Variants in YTHDF3 observed in about 807,000 individuals in gnomAD.
The protein encoded by YTHDF3 is YTH domain-containing family protein 3.
Under a neutral mutation model 52.5 loss-of-function variants are expected in YTHDF3, and 9 were observed. The observed-to-expected ratio is 0.17, with a 90% CI of 0.10 to 0.30. The LOEUF (loss-of-function observed/expected upper bound fraction) is 0.30, where lower values mean the gene tolerates loss of function less well. YTHDF3 is among the 10% of genes least tolerant of loss of function. The pLI is 1.00. For synonymous variants in YTHDF3, 274 were observed against 243.3 expected (o/e 1.13, Z -1.18); for missense variants, 534 against 715.0 (o/e 0.75, Z 2.89).
intron 3 of YTHDF3, among the ~76,000 whole-genome samples, chr8:63,177,350 C>CATA (rs1807764777): frequency 6.6e-6 from 1 of 152,064 alleles, no homozygotes; most frequent in Non-Finnish European, 1.5e-5. Context: ...ACATTCCTAG[C>CATA]ATACATGGGA....
chr8:63,184,814 G>A (rs1404267896), intron 3 of YTHDF3, among the ~76,000 whole-genome samples: 1 of 152,094 alleles, frequency 6.6e-6, no homozygotes, highest in Non-Finnish European at 1.5e-5. Context: ...TTTTCACTTT[G>A]CATAATTCTA....
intron 4 of YTHDF3, among the ~76,000 whole-genome samples, chr8:63,205,361 T>C (rs1190351146): frequency 6.6e-6 from 1 of 152,208 alleles, no homozygotes; most frequent in Admixed American, 6.5e-5. Context: ...ATGTTAACTA[T>C]ACAGTACCTC....
At chr8:63,187,853 A>G (rs2150375292) in intron 4 of YTHDF3, 108 bp downstream of exon 4, 1 of 1,221,154 alleles carries the variant, frequency 8.2e-7, no homozygotes, top group South Asian at 1.6e-5. Context: ...CAACTACTTA[A>G]GAAACAACTC....
intron 4 of YTHDF3, among the ~76,000 whole-genome samples, chr8:63,203,350 A>G (rs963390414): frequency 2.0e-5 from 3 of 152,172 alleles, no homozygotes; most frequent in Admixed American, 2.0e-4. Flanking sequence ...CAGGACAACC[A>G]TTAAAATAGT....
At chr8:63,192,969 G>T (rs1809007221) in intron 4 of YTHDF3, among the ~76,000 whole-genome samples, 1 of 152,088 alleles carries the variant, frequency 6.6e-6, no homozygotes, top group South Asian at 2.1e-4. Flanking sequence ...GAAACCTTGG[G>T]TAAAGGTTGG....
intron 2 of YTHDF3, among the ~76,000 whole-genome samples, chr8:63,173,240 T>C (rs1344633517): frequency 1.8e-5 from 2 of 110,116 alleles, no homozygotes; most frequent in East Asian, 6.8e-4. Flanking sequence ...TAAGTACTTT[T>C]TCCTTTTTTT....
Position 63,176,123 on chromosome 8 carries a change from C to T in YTHDF3, c.135+707C>T, listed in dbSNP as rs116645666. On this transcript the variant is annotated intron_variant, in intron 3 of 4. Transcript: ENST00000539294. ...TTTCTGCATCCATTTCTGTCTGTTACTAAAAATAAGCCACTGATAGAAATA... is the reference window on the plus strand; with the variant it reads ...TTTCTGCATCCATTTCTGTCTGTTATTAAAAATAAGCCACTGATAGAAATA... Among the ~76,000 whole-genome samples the T allele has an allele frequency of 4.6e-3, 705 of 152,014 alleles. 3 individuals are homozygous for T. The highest frequency in any genetic ancestry group is 0.017 in the African/African-American group (686 of 41,426).
chr8:63,181,340 GT>G (rs2130044957), intron 3 of YTHDF3, among the ~76,000 whole-genome samples: 1 of 152,276 alleles, frequency 6.6e-6, no homozygotes, highest in Admixed American at 6.5e-5. Flanking sequence ...GTCTGATTGT[GT>G]CACTGTAATG....
chr8:63,199,440 A>C (rs1809457863), intron 4 of YTHDF3, among the ~76,000 whole-genome samples: 1 of 151,898 alleles, frequency 6.6e-6, no homozygotes, highest in Non-Finnish European at 1.5e-5. Context: ...TTGTAAGTGG[A>C]CTCCTGCAGT....
intron 4 of YTHDF3, among the ~76,000 whole-genome samples, chr8:63,206,641 G>A (rs776604237): frequency 6.6e-6 from 1 of 151,974 alleles, no homozygotes; most frequent in Admixed American, 6.6e-5. Flanking sequence ...CAGATTTATT[G>A]GCATATTAGC....
chr8:63,169,341 T>C, intron 1 of YTHDF3, 46 bp from the exon 2 acceptor site: 2 of 1,577,688 alleles, frequency 1.3e-6, no homozygotes, highest in Non-Finnish European at 1.7e-6. Context: ...CTTTTTCTTT[T>C]CTTCCTTTTT....
intron 4 of YTHDF3, among the ~76,000 whole-genome samples, chr8:63,201,368 AAAAT>A (rs1329758765): frequency 4.6e-5 from 7 of 152,188 alleles, no homozygotes; most frequent in South Asian, 2.1e-4. Context: ...TTTAGAATAA[AAAAT>A]AAATAAATAA....
intron 2 of YTHDF3, among the ~76,000 whole-genome samples, chr8:63,170,147 A>C (rs1020583976): frequency 6.6e-6 from 1 of 152,232 alleles, no homozygotes; most frequent in Admixed American, 6.5e-5. Context: ...CATTTAGTTA[A>C]GTATAGAACA....
In YTHDF3 at chr8:63,168,790, C is replaced by T. The variant is rs1265352678; in HGVS notation, c.-88C>T. The T allele has an allele frequency of 2.6e-6, 4 of 1,546,966 alleles. No homozygotes were observed. The highest frequency in any genetic ancestry group is 2.0e-5 in the Admixed American group (1 of 50,686). The stretch of plus-strand genomic sequence containing the variant: ...AGCGGCGGCGGCTGGAACAATCACT[C>T]GGCCAAGGGCGACAGCCAACTGCTG... On this transcript the variant is annotated 5_prime_UTR_variant, in exon 1 of 5. Transcript: ENST00000539294.
intron 4 of YTHDF3, among the ~76,000 whole-genome samples, chr8:63,197,973 C>A (rs1199364327): frequency 1.3e-5 from 2 of 152,114 alleles, no homozygotes; most frequent in Non-Finnish European, 2.9e-5. Flanking sequence ...GAAACATAAT[C>A]CAAGACTATT....
intron 4 of YTHDF3, among the ~76,000 whole-genome samples, chr8:63,192,174 A>G (rs570089187): frequency 1.3e-5 from 2 of 152,238 alleles, no homozygotes; most frequent in Admixed American, 1.3e-4. Context: ...AAGCCCTGAC[A>G]GCCACTCATC....
At chr8:63,181,198 A>G (rs527920190) in intron 3 of YTHDF3, among the ~76,000 whole-genome samples, 23 of 152,314 alleles carry the variant, frequency 1.5e-4, no homozygotes, top group South Asian at 8.3e-4. Context: ...GAGAAGTACT[A>G]TAGAGAATTA....
Position 63,186,457 on chromosome 8 carries a change from C to T in YTHDF3, c.446C>T (p.Ser149Phe). The change falls in exon 4 of 5, where the codon TCT (serine) becomes TTT (phenylalanine). Residue 149 changes from serine to phenylalanine, a missense_variant. By Grantham distance (155) the Ser-to-Phe change is radical. Coordinates refer to ENST00000539294, the MANE Select transcript of YTHDF3 (RefSeq NM_152758.6). Reference protein sequence around the residue: ...SGSQGQSTQSSAYSSSYGYPP... With the variant: ...SGSQGQSTQSFAYSSSYGYPP... ...TCTCAGGGACAATCAACACAAAGTTCTGCTTATAGTAGCAGTTATGGCTAT... is the reference window on the plus strand; with the variant it reads ...TCTCAGGGACAATCAACACAAAGTTTTGCTTATAGTAGCAGTTATGGCTAT... 6.2e-7 allele frequency: 1 copy of T among 1,614,036 alleles called. No individual in the cohort carries two copies. Among genetic ancestry groups the T allele is most frequent in the Non-Finnish European group, 8.5e-7 (1 of 1,179,902 alleles).
At chr8:63,204,619 C>T (rs934654662) in intron 4 of YTHDF3, among the ~76,000 whole-genome samples, 1 of 152,204 alleles carries the variant, frequency 6.6e-6, no homozygotes, top group Non-Finnish European at 1.5e-5. Context: ...ACCTTGGCCT[C>T]CCAAAGTGTT....
Sources: gnomAD v4.1 joint callset for allele counts (sites outside exome capture counted in the v4.1 genomes callset) on GRCh38, gnomAD v4.1.1 for gene constraint, MANE v1.5 for transcripts, NCBI Gene and HGNC (gene_info 2026-07-23, HGNC 2026-07-21) for gene names.